Variants in TSHZ2 observed in about 807,000 individuals in gnomAD.
TSHZ2 encodes the protein teashirt zinc finger homeobox 2.
In TSHZ2, 21 loss-of-function variants were observed where a neutral mutation model predicts 74.4. The observed-to-expected ratio is 0.28, with a 90% CI of 0.20 to 0.41. TSHZ2 has a LOEUF of 0.41. TSHZ2 is among the 10% of genes least tolerant of loss of function. The pLI, the probability that TSHZ2 is intolerant of heterozygous loss-of-function variation, is 1.00. For synonymous variants in TSHZ2, 540 were observed against 515.3 expected (o/e 1.05, Z -0.65); for missense variants, 1,244 against 1,293.5 (o/e 0.96, Z 0.59).
chr20:52,973,041 C>A lies in TSHZ2; in HGVS notation c.-253C>A, dbSNP rs1481588813. ...AAAAAATTCAAAATAAACAAACAAACAAACAAGGCAGAACCAACCTCTACT... is the reference window on the plus strand; with the variant it reads ...AAAAAATTCAAAATAAACAAACAAAAAAACAAGGCAGAACCAACCTCTACT... On this transcript the variant is annotated 5_prime_UTR_variant, in exon 1 of 3. Coordinates refer to ENST00000371497, the MANE Select transcript of TSHZ2 (RefSeq NM_173485.6). The A allele has an allele frequency of 2.5e-6, 1 of 405,358 alleles. No homozygotes were observed. The highest frequency in any genetic ancestry group is 4.4e-6 in the Non-Finnish European group (1 of 229,372). 25.1% of individuals were successfully genotyped at this position (405,358 alleles called of 1,614,324 possible). A position where few individuals can be genotyped will look rare whatever the true frequency, so the allele number is the denominator to read the frequency against.
chr20:53,421,703 T>TTTG (rs1983477496), intron 2 of TSHZ2: 1 of 149,550 alleles, frequency 6.7e-6, no homozygotes, highest in African/African-American at 2.5e-5. Flanking sequence ...TTTTTTTTTT[T>TTTG]TTGAGACGGA....
At chr20:53,398,940 A>T (rs1035805884) in intron 2 of TSHZ2, 2 of 143,652 alleles carry the variant, frequency 1.4e-5, no homozygotes, top group African/African-American at 4.9e-5. Flanking sequence ...ATAAATATTC[A>T]ATAATAATAA....
chr20:53,007,775 C>T (rs562143127), intron 1 of TSHZ2, among the ~76,000 whole-genome samples: 1 of 151,150 alleles, frequency 6.6e-6, no homozygotes, highest in African/African-American at 2.4e-5. Flanking sequence ...TCTGACATAT[C>T]CATATATCCA....
chr20:53,489,407 A>C lies in TSHZ2; in HGVS notation c.*2272A>C. 2.9e-6 allele frequency: 1 copy of C among 344,272 alleles called. No individual in the cohort carries two copies. The highest frequency in any genetic ancestry group is 2.3e-5 in the South Asian group (1 of 43,166). 21.3% of individuals were successfully genotyped at this position (344,272 alleles called of 1,614,324 possible). A position where few individuals can be genotyped will look rare whatever the true frequency, so the allele number is the denominator to read the frequency against. On this transcript the variant is annotated 3_prime_UTR_variant, in exon 3 of 3. Coordinates refer to ENST00000371497, the MANE Select transcript of TSHZ2 (RefSeq NM_173485.6). ...CAACAAGGAAATTCTATTAAAGGAAAATCAATGCATTAGTATTGGGGTTCT... is the reference window on the plus strand; with the variant it reads ...CAACAAGGAAATTCTATTAAAGGAACATCAATGCATTAGTATTGGGGTTCT...
At chr20:53,230,753 G>C (rs199867379) in intron 1 of TSHZ2, among the ~76,000 whole-genome samples, 3 of 151,902 alleles carry the variant, frequency 2.0e-5, no homozygotes, top group Admixed American at 6.6e-5. Flanking sequence ...TTAGCTGGGC[G>C]TGGTGGTGGC....
At chr20:53,459,748 G>A (rs1281112352) in intron 2 of TSHZ2, among the ~76,000 whole-genome samples, 6 of 138,782 alleles carry the variant, frequency 4.3e-5, no homozygotes, top group African/African-American at 1.6e-4. Flanking sequence ...TTTAGGGCAG[G>A]CCTGGTGGTG....
chr20:52,973,438 G>A (rs1981206733), intron 1 of TSHZ2, 105 bp downstream of exon 1: 2 of 1,440,216 alleles, frequency 1.4e-6, no homozygotes, highest in Non-Finnish European at 1.9e-6. Flanking sequence ...AGCTTTCGGG[G>A]GAGTTTGCGC....
intron 1 of TSHZ2, among the ~76,000 whole-genome samples, chr20:52,992,841 G>A (rs1982043941): frequency 1.3e-5 from 2 of 152,158 alleles, no homozygotes; most frequent in African/African-American, 2.4e-5. Context: ...CAAAGTTATA[G>A]CATCAACATC....
intron 1 of TSHZ2, among the ~76,000 whole-genome samples, chr20:53,013,319 A>G (rs1982923192): frequency 6.6e-6 from 1 of 152,226 alleles, no homozygotes; most frequent in South Asian, 2.1e-4. Context: ...AAACTCTCAC[A>G]TCCCTATTTG....
intron 2 of TSHZ2, among the ~76,000 whole-genome samples, chr20:53,437,166 T>C (rs1240761944): frequency 6.6e-6 from 1 of 152,180 alleles, no homozygotes; most frequent in Non-Finnish European, 1.5e-5. Context: ...GACTATGGAT[T>C]GCACATGACA....
At chr20:53,127,506 G>C (rs1424101900) in intron 1 of TSHZ2, among the ~76,000 whole-genome samples, 1 of 152,196 alleles carries the variant, frequency 6.6e-6, no homozygotes, top group East Asian at 1.9e-4. Context: ...AGGAGCTTGA[G>C]ATGAGCCTAG....
At position 53,204,314 on chromosome 20, in the gene TSHZ2, C is replaced by CATT. The variant is rs1989100981; in HGVS notation, c.41-49183_41-49182insTAT. Among the ~76,000 whole-genome samples, 15 of 122,454 alleles carry CATT rather than the reference C, an allele frequency of 1.2e-4. 1 individual carries two copies. The highest frequency in any genetic ancestry group is 4.2e-4 in the African/African-American group (15 of 35,944). 80.3% of individuals were successfully genotyped at this position (122,454 alleles called of 152,430 possible). A position where few individuals can be genotyped will look rare whatever the true frequency, so the allele number is the denominator to read the frequency against. On this transcript the variant is annotated intron_variant, in intron 1 of 2. Coordinates refer to ENST00000371497, the MANE Select transcript of TSHZ2 (RefSeq NM_173485.6). ...GATATGATACTATATCATCATATAA[C>CATT]ATGATGATATGATACTATATCATCA...
chr20:53,096,135 TTGTC>T (rs897462843), intron 1 of TSHZ2, among the ~76,000 whole-genome samples: 22 of 152,242 alleles, frequency 1.4e-4, no homozygotes, highest in Non-Finnish European at 2.1e-4. Flanking sequence ...TGTTTTTTGT[TTGTC>T]TGTTTGTTTG....
chr20:53,238,992 A>G (rs1473342841), intron 1 of TSHZ2, among the ~76,000 whole-genome samples: 2 of 152,144 alleles, frequency 1.3e-5, no homozygotes, highest in African/African-American at 4.8e-5. Flanking sequence ...TAGGAAATGG[A>G]TGGTGGTTAG....
In TSHZ2 at chr20:53,383,211, C is replaced by T. The variant is rs573414329; in HGVS notation, c.*9-103933C>T. On this transcript the variant is annotated intron_variant, in intron 2 of 2. Transcript: ENST00000371497. ...CTGGGAGGCAGCGGTTGCAGTGAGC[C>T]GAGATTGTGCCACTGCACTCAAGCC... Among the ~76,000 whole-genome samples the T allele has an allele frequency of 2.8e-4, 42 of 150,232 alleles. No individual in the cohort carries two copies. The South Asian group carries it at 4.2e-3, about 15-fold the overall frequency.
At chr20:53,246,933 G>A (rs569981824) in intron 1 of TSHZ2, among the ~76,000 whole-genome samples, 9 of 152,242 alleles carry the variant, frequency 5.9e-5, no homozygotes, top group South Asian at 2.1e-4. Context: ...CCAATTACCC[G>A]AACCATCTTC....
intron 1 of TSHZ2, among the ~76,000 whole-genome samples, chr20:53,170,915 G>A (rs1466775731): frequency 6.9e-6 from 1 of 145,736 alleles, no homozygotes; most frequent in East Asian, 2.0e-4. Context: ...CTCTCAAAAG[G>A]AAGGAAAGAC....
chr20:53,172,958 C>T (rs986779010), intron 1 of TSHZ2, among the ~76,000 whole-genome samples: 2 of 152,198 alleles, frequency 1.3e-5, no homozygotes, highest in Non-Finnish European at 2.9e-5. Flanking sequence ...TTTGTATAAC[C>T]TTGGACAAAT....
chr20:53,394,775 A>AAAAAAC (rs2145666138), intron 2 of TSHZ2, among the ~76,000 whole-genome samples: 1 of 150,572 alleles, frequency 6.6e-6, no homozygotes, highest in South Asian at 2.1e-4. Flanking sequence ...AAAAAAAAAA[A>AAAAAAC]AAAAACTGTT....
Sources: allele counts gnomAD v4.1 joint callset (sites outside exome capture counted in the v4.1 genomes callset), GRCh38; gene constraint gnomAD v4.1.1; transcripts MANE v1.5; gene names NCBI Gene and HGNC (gene_info 2026-07-23, HGNC 2026-07-21).